CHCHD3: variants seen among roughly 807,000 people sequenced by gnomAD.
CHCHD3 encodes coiled-coil-helix-coiled-coil-helix domain containing 3.
A neutral mutation model predicts 38.2 loss-of-function variants in CHCHD3; 20 were observed. The ratio of observed to expected loss-of-function variants is 0.52; its 90% CI spans 0.37 to 0.76. CHCHD3 has a LOEUF of 0.76. Ranked by LOEUF, CHCHD3 falls within the 30% of genes least tolerant of loss-of-function variation. The probability of loss-of-function intolerance (pLI) is 0.00; values close to 1 mark genes in which losing one functional copy is unlikely to be tolerated. For missense variants in CHCHD3, 245 were observed against 279.2 expected, an observed-to-expected ratio of 0.88 and a Z score of 0.87; for synonymous variants, 82 against 100.0, an observed-to-expected ratio of 0.82 and a Z score of 1.07.
At chr7:132,820,890 G>A (rs1807357808) in intron 6 of CHCHD3, among the ~76,000 whole-genome samples, 1 of 152,142 alleles carries the variant, frequency 6.6e-6, no homozygotes. Flanking sequence ...GGTTTTAGGT[G>A]AGAACTATAT....
chr7:132,801,735 C>A (rs1806799592), intron 6 of CHCHD3, among the ~76,000 whole-genome samples: 1 of 152,196 alleles, frequency 6.6e-6, no homozygotes, highest in Admixed American at 6.5e-5. Context: ...TTAGCTTTGG[C>A]TAGCTAGAAA....
intron 2 of CHCHD3, among the ~76,000 whole-genome samples, chr7:133,045,133 C>T (rs1321815691): frequency 2.6e-5 from 4 of 152,216 alleles, no homozygotes; most frequent in Non-Finnish European, 4.4e-5. Context: ...TATGATTCCC[C>T]ACCTAAGAGA....
At chr7:132,874,312 T>A (rs1808842327) in intron 5 of CHCHD3, among the ~76,000 whole-genome samples, 1 of 152,194 alleles carries the variant, frequency 6.6e-6, no homozygotes, top group Non-Finnish European at 1.5e-5. Flanking sequence ...ATCATCAAAC[T>A]TATTCTCCAG....
Position 133,082,010 on chromosome 7 carries a change from G to C in CHCHD3, c.-73C>G. 7.6e-7 allele frequency: 1 copy of C among 1,315,328 alleles called. No homozygotes were observed. The allele number at this position is 1,315,328 out of a possible 1,614,324, so 81.5% of individuals were successfully genotyped here. On this transcript the variant is annotated 5_prime_UTR_variant, in exon 1 of 8. Coordinates refer to ENST00000262570, the MANE Select transcript of CHCHD3 (RefSeq NM_017812.4). ...CTTCGGGGCCCCCGCACCCACACGC[G>C]CGTGGAAGGGCCTGGATTCTTTTCC...
chr7:133,020,523 C>T (rs1021775664), intron 3 of CHCHD3, among the ~76,000 whole-genome samples: 3 of 152,148 alleles, frequency 2.0e-5, no homozygotes, highest in Non-Finnish European at 2.9e-5. Flanking sequence ...GAAGTCATTC[C>T]GAGCTGACAA....
intron 4 of CHCHD3, among the ~76,000 whole-genome samples, chr7:132,909,990 C>T (rs550238214): frequency 2.6e-5 from 4 of 152,326 alleles, no homozygotes; most frequent in Middle Eastern, 6.8e-3. Flanking sequence ...CAAGCATACA[C>T]ACTTGACCCT....
intron 1 of CHCHD3, among the ~76,000 whole-genome samples, chr7:133,079,484 T>C (rs768462571): frequency 5.3e-4 from 80 of 152,204 alleles, no homozygotes; most frequent in Non-Finnish European, 9.3e-4. Context: ...AAACTTTGCA[T>C]GTGAAAGGAA....
chr7:132,963,344 T>C (rs1251443738), intron 4 of CHCHD3, among the ~76,000 whole-genome samples: 1 of 142,870 alleles, frequency 7.0e-6, no homozygotes, highest in Non-Finnish European at 1.5e-5. Context: ...TTTTTTTTTT[T>C]TTTTTTGCCA....
chr7:132,840,077 A>G (rs1398986280), intron 5 of CHCHD3, among the ~76,000 whole-genome samples: 4 of 152,218 alleles, frequency 2.6e-5, no homozygotes, highest in African/African-American at 9.6e-5. Context: ...CTATATGCCG[A>G]GAGGTTTTAA....
At chr7:132,848,457 T>C (rs1008751648) in intron 5 of CHCHD3, among the ~76,000 whole-genome samples, 10 of 152,354 alleles carry the variant, frequency 6.6e-5, no homozygotes, top group Admixed American at 5.9e-4. Context: ...ACAGAAGCTC[T>C]GAAACAGTTA....
chr7:133,019,619 CAACT>C (rs1217736248), intron 3 of CHCHD3, among the ~76,000 whole-genome samples: 3 of 152,166 alleles, frequency 2.0e-5, no homozygotes, highest in Non-Finnish European at 4.4e-5. Flanking sequence ...GGAAAAATCT[CAACT>C]AATGTCCATT....
At chr7:132,898,184 A>T (rs145197045) in intron 4 of CHCHD3, among the ~76,000 whole-genome samples, 221 of 152,296 alleles carry the variant, frequency 1.5e-3, no homozygotes, top group African/African-American at 4.9e-3. Flanking sequence ...TTTATTGCAG[A>T]GAGCCAAAGA....
chr7:133,060,343 G>C (rs1814467835), intron 2 of CHCHD3, among the ~76,000 whole-genome samples: 4 of 152,178 alleles, frequency 2.6e-5, no homozygotes, highest in Admixed American at 2.6e-4. Context: ...AGAAGCTATG[G>C]GATCTGGAGG....
intron 4 of CHCHD3, 71 bp downstream of exon 4, chr7:132,975,098 A>G: frequency 8.7e-7 from 1 of 1,147,474 alleles, no homozygotes; most frequent in African/African-American, 1.5e-5. Flanking sequence ...GGCACAGAGT[A>G]CTTAGCTCTT....
At chr7:132,901,671 T>C (rs1809672531) in intron 4 of CHCHD3, among the ~76,000 whole-genome samples, 2 of 152,238 alleles carry the variant, frequency 1.3e-5, no homozygotes. Flanking sequence ...TGATTGTTTT[T>C]TTCTTGTAAA....
chr7:132,843,110 T>G (rs1359493430), intron 5 of CHCHD3, among the ~76,000 whole-genome samples: 1 of 152,204 alleles, frequency 6.6e-6, no homozygotes, highest in African/African-American at 2.4e-5. Context: ...CAATCTCGGC[T>G]CACTGCAACC....
intron 3 of CHCHD3, among the ~76,000 whole-genome samples, chr7:132,995,247 A>G (rs986492112): frequency 6.6e-6 from 1 of 152,160 alleles, no homozygotes; most frequent in African/African-American, 2.4e-5. Flanking sequence ...GGTATGATTG[A>G]CATACAGAAA....
intron 2 of CHCHD3, among the ~76,000 whole-genome samples, chr7:133,036,954 T>C (rs754501623): frequency 2.0e-5 from 3 of 152,134 alleles, no homozygotes; most frequent in Non-Finnish European, 4.4e-5. Context: ...CAAGAAGAAT[T>C]TGTGGTGCAT....
At chr7:133,039,124 CTTTTT>C (rs993408205) in intron 2 of CHCHD3, among the ~76,000 whole-genome samples, 1 of 151,420 alleles carries the variant, frequency 6.6e-6, no homozygotes, top group Non-Finnish European at 1.5e-5. Flanking sequence ...AAACCAATTT[CTTTTT>C]TTTTAAGTTG....
Sources: allele counts gnomAD v4.1 joint callset (sites outside exome capture counted in the v4.1 genomes callset), GRCh38; gene constraint gnomAD v4.1.1; transcripts MANE v1.5; gene names NCBI Gene and HGNC (gene_info 2026-07-23, HGNC 2026-07-21).